PPIL4: variants seen among roughly 807,000 people sequenced by gnomAD.
PPIL4 encodes peptidyl-prolyl cis-trans isomerase-like 4.
A neutral mutation model predicts 69.1 loss-of-function variants in PPIL4; 50 were observed. That is an observed-to-expected ratio of 0.72 (90% CI 0.58 to 0.92). PPIL4 has a LOEUF of 0.92. Among genes scored for constraint, PPIL4 ranks in the 40% least tolerant of loss-of-function variants. PPIL4 has a pLI of 0.00. For missense variants in PPIL4, 480 were observed against 587.9 expected, an observed-to-expected ratio of 0.82 and a Z score of 1.90; for synonymous variants, 193 against 191.6, an observed-to-expected ratio of 1.01 and a Z score of -0.06.
intron 8 of PPIL4, 48 bp downstream of exon 8, chr6:149,526,604 T>C: frequency 4.5e-6 from 7 of 1,540,214 alleles, no homozygotes; most frequent in Non-Finnish European, 6.2e-6. Flanking sequence ...AACCACCAAC[T>C]GATACCTAGT....
intron 11 of PPIL4, among the ~76,000 whole-genome samples, chr6:149,513,784 AT>A (rs1308787659): frequency 6.6e-6 from 1 of 151,882 alleles, no homozygotes; most frequent in Non-Finnish European, 1.5e-5. Flanking sequence ...TGTGTTAAAA[AT>A]GTTTTAATGT....
chr6:149,526,708 T>C lies in PPIL4; in HGVS notation c.747A>G (p.Pro249=), dbSNP rs2115034330. The change falls in exon 8 of 13, where the codon CCA becomes CCG. Residue 249 remains proline, a synonymous_variant. Transcript: ENST00000253329. ...ENVLFVCKLN[P]VTTDEDLEII... Reference sequence around the variant, plus strand: ...TTTCCAGATCCTCATCTGTGGTCACTGGGTTCAATTTACACACAAACAGTA... The same window carrying C: ...TTTCCAGATCCTCATCTGTGGTCACCGGGTTCAATTTACACACAAACAGTA... The C allele has an allele frequency of 6.2e-7, 1 of 1,612,508 alleles. No individual in the cohort carries two copies. Among genetic ancestry groups the C allele is most frequent in the East Asian group, 2.2e-5 (1 of 44,804 alleles).
chr6:149,542,760 G>T (rs988586561), intron 1 of PPIL4, among the ~76,000 whole-genome samples: 16 of 152,182 alleles, frequency 1.1e-4, no homozygotes, highest in African/African-American at 3.6e-4. Flanking sequence ...AACTGGACTA[G>T]CAGAGAGTGA....
chr6:149,540,883 TG>T, intron 4 of PPIL4, 58 bp downstream of exon 4: 2 of 1,041,648 alleles, frequency 1.9e-6, no homozygotes, highest in Non-Finnish European at 2.9e-6. Flanking sequence ...AATAACTCTG[TG>T]GGCTCCTTCC....
intron 4 of PPIL4, among the ~76,000 whole-genome samples, chr6:149,536,738 CAAA>C (rs750303522): frequency 5.9e-5 from 6 of 102,288 alleles, no homozygotes; most frequent in Non-Finnish European, 8.7e-5. Context: ...TACTCCATCT[CAAA>C]AAAAAAAAAA....
intron 7 of PPIL4, among the ~76,000 whole-genome samples, chr6:149,527,017 G>C (rs1006013550): frequency 6.6e-6 from 1 of 152,180 alleles, no homozygotes; most frequent in Non-Finnish European, 1.5e-5. Flanking sequence ...TGGAGCTTCA[G>C]ATCTATTACG....
chr6:149,535,398 A>G (rs1221762008), intron 5 of PPIL4, among the ~76,000 whole-genome samples, 198 bp downstream of exon 5: 3 of 152,244 alleles, frequency 2.0e-5, no homozygotes, highest in African/African-American at 7.2e-5. Context: ...ATAATTATAA[A>G]TAATTAGTAC....
In PPIL4 at chr6:149,510,587, C is replaced by T. The variant is rs1776828499; in HGVS notation, c.1227+1568G>A. Among the ~76,000 whole-genome samples the T allele has an allele frequency of 2.0e-5, 3 of 152,030 alleles. No homozygotes were observed. In the South Asian group the frequency reaches 6.2e-4, roughly 32 times the overall value. On this transcript the variant is annotated intron_variant, in intron 12 of 12. Coordinates refer to ENST00000253329, the MANE Select transcript of PPIL4 (RefSeq NM_139126.4). ...TGAAACTCCATCTCTAGTAAAAATACAAAAATCAGCCAGGCATGATGGCAG... is the reference window on the plus strand; with the variant it reads ...TGAAACTCCATCTCTAGTAAAAATATAAAAATCAGCCAGGCATGATGGCAG...
At chr6:149,531,919 C>T (rs1384899150) in intron 7 of PPIL4, among the ~76,000 whole-genome samples, 7 of 152,156 alleles carry the variant, frequency 4.6e-5, no homozygotes, top group Non-Finnish European at 7.3e-5. Context: ...CCACCCGCCT[C>T]GGCCTCCCAA....
chr6:149,505,334 T>C lies in PPIL4; in HGVS notation c.*119A>G. On this transcript the variant is annotated 3_prime_UTR_variant, in exon 13 of 13. Coordinates refer to ENST00000253329, the MANE Select transcript of PPIL4 (RefSeq NM_139126.4). ...ATAATCAGTATTAATCTAAAGACCA[T>C]AATCCTAGTATGAAAAAAATAACAA... The C allele has an allele frequency of 1.1e-6, 1 of 895,902 alleles. No homozygotes were observed. 55.5% of individuals were successfully genotyped at this position (895,902 alleles called of 1,614,324 possible).
At chr6:149,541,815 G>A (rs1777367899) in intron 1 of PPIL4, among the ~76,000 whole-genome samples, 1 of 152,100 alleles carries the variant, frequency 6.6e-6, no homozygotes, top group African/African-American at 2.4e-5. Context: ...TTTGAGACCA[G>A]CCTGGCCAAT....
chr6:149,526,941 T>G (rs1199302546), intron 7 of PPIL4, among the ~76,000 whole-genome samples, 165 bp from the exon 8 acceptor site: 1 of 152,262 alleles, frequency 6.6e-6, no homozygotes, highest in African/African-American at 2.4e-5. Flanking sequence ...TGAACTACAC[T>G]GTTCCTATTC....
Position 149,541,525 on chromosome 6 carries a change from A to G in PPIL4, c.132T>C (p.Asn44=). The G allele has an allele frequency of 1.9e-6, 3 of 1,577,782 alleles. No homozygotes were observed. Among genetic ancestry groups the G allele is most frequent in the Non-Finnish European group, 1.7e-6 (2 of 1,147,834 alleles). ...IKYYNYCLIH[N]VQRDFIIQTG... The stretch of plus-strand genomic sequence containing the variant: ...CTAATATCTACCAACTCACCTGTAC[A>G]TTGTGAATAAGGCAATAATTGTAAT... The change falls in exon 2 of 13, where the codon AAT becomes AAC. Residue 44 remains asparagine (N), a synonymous_variant. Coordinates refer to ENST00000253329, the MANE Select transcript of PPIL4 (RefSeq NM_139126.4).
At chr6:149,544,653 G>A (rs141118976) in intron 1 of PPIL4, among the ~76,000 whole-genome samples, 1 of 152,324 alleles carries the variant, frequency 6.6e-6, no homozygotes, top group Non-Finnish European at 1.5e-5. Flanking sequence ...CTTCAAAGAA[G>A]AGATGATGCT....
At chr6:149,534,836 T>C in intron 5 of PPIL4, 62 bp from the exon 6 acceptor site, 1 of 1,007,008 alleles carries the variant, frequency 9.9e-7, no homozygotes, top group Non-Finnish European at 1.5e-6. Flanking sequence ...CCTATTTTAT[T>C]TTAATAGATT....
At chr6:149,512,614 A>G (rs1012347442) in intron 11 of PPIL4, among the ~76,000 whole-genome samples, 1 of 152,222 alleles carries the variant, frequency 6.6e-6, no homozygotes, top group African/African-American at 2.4e-5. Flanking sequence ...ATCTTTAACT[A>G]GAAAAAATTA....
intron 7 of PPIL4, 45 bp from the exon 8 acceptor site, chr6:149,526,821 T>C (rs757420699): frequency 1.3e-6 from 2 of 1,578,948 alleles, no homozygotes. Context: ...CCTATTTAGT[T>C]TCCATTCTAA....
rs1276646499 is a variant in PPIL4 at position 149,541,044 on chromosome 6, A to G, written c.219T>C (p.Asp73=). 1.2e-6 allele frequency: 2 copies of G among 1,608,494 alleles called. No homozygotes were observed. Among genetic ancestry groups the G allele is most frequent in the Non-Finnish European group, 1.7e-6 (2 of 1,175,386 alleles). The part of the protein sequence containing the change: ...GESIFGQLYG[D]QASFFEAEKV... ...TTTCTGCCTCAAAAAAGCTTGCTTG[A>G]TCACCATACAGTTGGCTGAAAAAAC... is the stretch of plus-strand genomic sequence containing the variant. Residue 73 remains aspartate, a synonymous_variant, in exon 4 of 13, where the codon GAT becomes GAC. Coordinates refer to ENST00000253329, the MANE Select transcript of PPIL4 (RefSeq NM_139126.4).
At chr6:149,515,538 A>C (rs1776931322) in intron 11 of PPIL4, among the ~76,000 whole-genome samples, 1 of 152,152 alleles carries the variant, frequency 6.6e-6, no homozygotes, top group South Asian at 2.1e-4. Context: ...ACGTATTTAG[A>C]ATGGTAATTA....
Sources: gnomAD v4.1 joint callset for allele counts (sites outside exome capture counted in the v4.1 genomes callset) on GRCh38, gnomAD v4.1.1 for gene constraint, MANE v1.5 for transcripts, NCBI Gene and HGNC (gene_info 2026-07-23, HGNC 2026-07-21) for gene names.